Variants in SHOC1 observed in about 807,000 individuals in gnomAD.
The protein encoded by SHOC1 is shortage in chiasmata 1.
Under a neutral mutation model 179.2 loss-of-function variants are expected in SHOC1, and 136 were observed. That is an observed-to-expected ratio of 0.76 (90% CI 0.66 to 0.87). The LOEUF is 0.87. Among genes scored for constraint, SHOC1 ranks in the 40% least tolerant of loss-of-function variants. SHOC1 has a pLI of 0.00. For synonymous variants in SHOC1, 489 were observed against 586.6 expected (o/e 0.83, Z 2.41); for missense variants, 1,538 against 1,700.8 (o/e 0.90, Z 1.68).
Position 111,691,804 on chromosome 9 carries a change from A to C in SHOC1, c.4173T>G (p.Gly1391=), listed in dbSNP as rs751318732. 2 of 1,613,872 alleles carry C rather than the reference A, an allele frequency of 1.2e-6. No individual in the cohort carries two copies. Among genetic ancestry groups the C allele is most frequent in the South Asian group, 1.1e-5 (1 of 91,080 alleles). The part of the protein sequence containing the change: ...TACNKLYSQK[G]NLFTDQQKCL... ...ATTTTTGCTGATCAGTGAATAAATT[A>C]CCTTTCTGAGAGTACAATTTGTTAC... Residue 1391 remains glycine, a synonymous_variant, in exon 27 of 28, where the codon GGT becomes GGG. Coordinates refer to ENST00000682961, the MANE Select transcript of SHOC1 (RefSeq NM_001378211.1).
chr9:111,703,820 C>G (rs1306412311), intron 22 of SHOC1, 61 bp downstream of exon 22: 2 of 813,780 alleles, frequency 2.5e-6, no homozygotes, highest in Non-Finnish European at 3.8e-6. Flanking sequence ...AAGATAATAA[C>G]AAATTACATA....
At chr9:111,694,069 ATCCAT>A in intron 25 of SHOC1, 121 bp from the exon 26 acceptor site, 3 of 1,081,898 alleles carry the variant, frequency 2.8e-6, no homozygotes, top group Non-Finnish European at 4.0e-6. Context: ...TTCGAAAGTG[ATCCAT>A]TTTATTCTAC....
chr9:111,691,682 C>T lies in SHOC1; in HGVS notation c.4295G>A (p.Arg1432His), dbSNP rs141349064. 623 of 1,613,776 alleles carry T rather than the reference C, an allele frequency of 3.9e-4. No homozygotes were observed. The highest frequency in any genetic ancestry group is 4.9e-4 in the Non-Finnish European group (576 of 1,179,942). ...TTGATTTGCATTAGAATCAGAAGCA[C>T]GAAATAAATCCAAACTGGGGACAGA... ...LPSVPSLDLF[R>H]ASDSNANQKE... The change falls in exon 27 of 28, where the codon CGT becomes CAT. Residue 1432 changes from arginine (R) to histidine (H), a missense_variant. By Grantham distance (29) the Arg-to-His change is conservative. Transcript: ENST00000682961.
intron 9 of SHOC1, among the ~76,000 whole-genome samples, chr9:111,747,371 G>A (rs1834336465): frequency 1.3e-5 from 2 of 151,988 alleles, no homozygotes; most frequent in Admixed American, 1.3e-4. Context: ...CAATAATGAT[G>A]ACATAGAGAA....
At chr9:111,732,432 G>T (rs1833617089) in intron 12 of SHOC1, among the ~76,000 whole-genome samples, 1 of 152,026 alleles carries the variant, frequency 6.6e-6, no homozygotes, top group Non-Finnish European at 1.5e-5. Flanking sequence ...TTTAAAGAGA[G>T]AAATAACATG....
At chr9:111,770,344 T>C (rs1835552502) in intron 5 of SHOC1, among the ~76,000 whole-genome samples, 1 of 152,204 alleles carries the variant, frequency 6.6e-6, no homozygotes, top group South Asian at 2.1e-4. Flanking sequence ...TTCCTCTTGT[T>C]ACTGATTTCT....
chr9:111,732,425 A>C (rs1259188365), intron 12 of SHOC1, among the ~76,000 whole-genome samples: 1 of 152,194 alleles, frequency 6.6e-6, no homozygotes, highest in Non-Finnish European at 1.5e-5. Flanking sequence ...AAAAAAATTT[A>C]AAGAGAGAAA....
intron 18 of SHOC1, among the ~76,000 whole-genome samples, chr9:111,710,090 T>C (rs889563715): frequency 6.6e-6 from 1 of 152,170 alleles, no homozygotes; most frequent in African/African-American, 2.4e-5. Flanking sequence ...GCTCAGCACT[T>C]TCCTGATTTT....
intron 16 of SHOC1, 107 bp downstream of exon 16, chr9:111,718,077 G>T: frequency 1.5e-6 from 1 of 686,318 alleles, no homozygotes. Flanking sequence ...TAATAGAAAA[G>T]AAGGCTACAT....
chr9:111,700,084 G>C (rs1005554195), intron 23 of SHOC1, 37 bp from the exon 24 acceptor site: 1 of 1,019,626 alleles, frequency 9.8e-7, no homozygotes, highest in African/African-American at 1.6e-5. Flanking sequence ...CTATTCATTT[G>C]ATATCAGATT....
chr9:111,783,151 G>T lies in SHOC1; in HGVS notation c.170-2134C>A, dbSNP rs999828951. Among the ~76,000 whole-genome samples the T allele has an allele frequency of 2.0e-5, 3 of 152,130 alleles. No homozygotes were observed. The East Asian group carries it at 5.8e-4, about 29-fold the overall frequency. On this transcript the variant is annotated intron_variant, in intron 3 of 27. Coordinates refer to ENST00000682961, the MANE Select transcript of SHOC1 (RefSeq NM_001378211.1). ...AAAATCACACATAAAAAACAAAAAA[G>T]AATAACTCTTTACTCCACTTCTCCC... is the stretch of plus-strand genomic sequence containing the variant.
At chr9:111,704,763 T>G (rs1243400932) in intron 21 of SHOC1, among the ~76,000 whole-genome samples, 1 of 152,182 alleles carries the variant, frequency 6.6e-6, no homozygotes, top group African/African-American at 2.4e-5. Context: ...TGACCTTAGA[T>G]CTAAAGATTT....
chr9:111,777,100 TG>T (rs1289602417), intron 4 of SHOC1, among the ~76,000 whole-genome samples: 8 of 152,132 alleles, frequency 5.3e-5, no homozygotes, highest in African/African-American at 1.7e-4. Context: ...CTTCTGCTCC[TG>T]GGTGGGATCG....
chr9:111,785,193 C>G (rs1463441465), intron 3 of SHOC1, among the ~76,000 whole-genome samples: 1 of 152,154 alleles, frequency 6.6e-6, no homozygotes, highest in East Asian at 1.9e-4. Context: ...TGATTCAGGT[C>G]TCAACTCAAA....
At chr9:111,688,345 A>G (rs1831276065) in intron 27 of SHOC1, among the ~76,000 whole-genome samples, 1 of 152,190 alleles carries the variant, frequency 6.6e-6, no homozygotes, top group African/African-American at 2.4e-5. Flanking sequence ...CCTATTTAAT[A>G]ACTCCAATTT....
At chr9:111,723,652 C>A in intron 14 of SHOC1, 140 bp downstream of exon 14, 1 of 861,642 alleles carries the variant, frequency 1.2e-6, no homozygotes, top group Non-Finnish European at 1.8e-6. Context: ...TGGGATATAA[C>A]TTGAAAGTAG....
chr9:111,709,037 T>A (rs1832406812), intron 18 of SHOC1, among the ~76,000 whole-genome samples: 1 of 152,124 alleles, frequency 6.6e-6, no homozygotes, highest in Non-Finnish European at 1.5e-5. Context: ...ATAAGGTGAT[T>A]CTTCTATTTA....
intron 1 of SHOC1, among the ~76,000 whole-genome samples, chr9:111,793,129 G>A (rs1048588347): frequency 6.6e-6 from 1 of 152,162 alleles, no homozygotes; most frequent in Non-Finnish European, 1.5e-5. Flanking sequence ...TGATCCGCCC[G>A]TCTCGGTCTC....
At chr9:111,736,690 G>A (rs972696282) in intron 12 of SHOC1, among the ~76,000 whole-genome samples, 7 of 152,014 alleles carry the variant, frequency 4.6e-5, no homozygotes, top group East Asian at 1.9e-4. Context: ...AAAAACAATC[G>A]CAACAAAAAC....
Sources: gnomAD v4.1 joint callset for allele counts (sites outside exome capture counted in the v4.1 genomes callset) on GRCh38, gnomAD v4.1.1 for gene constraint, MANE v1.5 for transcripts, NCBI Gene and HGNC (gene_info 2026-07-23, HGNC 2026-07-21) for gene names.